ZNF112: variants seen among roughly 807,000 people sequenced by gnomAD.
ZNF112 encodes zinc finger protein 112, also known as zinc finger protein 112 (Y14).
In ZNF112, 37 loss-of-function variants were observed where a neutral mutation model predicts 77.7. The observed-to-expected ratio is 0.48, with a 90% CI of 0.37 to 0.63. The LOEUF (loss-of-function observed/expected upper bound fraction) is 0.63. Ranked by LOEUF, ZNF112 falls within the 20% of genes least tolerant of loss-of-function variation. The probability of loss-of-function intolerance (pLI) is 0.00; values close to 1 mark genes in which losing one functional copy is unlikely to be tolerated. For synonymous variants in ZNF112, 333 were observed against 363.6 expected, an observed-to-expected ratio of 0.92 and a Z score of 0.96; for missense variants, 950 against 1,077.4, an observed-to-expected ratio of 0.88 and a Z score of 1.66.
At chr19:44,352,016 C>T (rs1043378590) in intron 1 of ZNF112, among the ~76,000 whole-genome samples, 9 of 151,806 alleles carry the variant, frequency 5.9e-5, no homozygotes, top group South Asian at 2.1e-4. Flanking sequence ...GATTTGTTCA[C>T]GTGATGTTAT....
At chr19:44,354,038 G>A (rs759111813) in intron 1 of ZNF112, among the ~76,000 whole-genome samples, 1 of 152,142 alleles carries the variant, frequency 6.6e-6, no homozygotes, top group Non-Finnish European at 1.5e-5. Flanking sequence ...GAAGTAAACA[G>A]AAATGAAGTA....
At chr19:44,344,623 G>A (rs117553200) in intron 1 of ZNF112, among the ~76,000 whole-genome samples, 1 of 152,270 alleles carries the variant, frequency 6.6e-6, no homozygotes, top group Non-Finnish European at 1.5e-5. Flanking sequence ...CCTTCTAAAA[G>A]GGATACAGTG....
intron 1 of ZNF112, among the ~76,000 whole-genome samples, chr19:44,354,063 A>G (rs964203183): frequency 7.2e-5 from 11 of 152,190 alleles, no homozygotes; most frequent in African/African-American, 2.4e-4. Flanking sequence ...TACGTATAAC[A>G]ACTTTGATGA....
chr19:44,337,841 ACACACACACAC>A (rs1970413045), intron 2 of ZNF112, among the ~76,000 whole-genome samples: 9 of 135,486 alleles, frequency 6.6e-5, no homozygotes, highest in African/African-American at 1.8e-4. Context: ...ACATACACAT[ACACACACACAC>A]ACACACACAC....
upstream of ZNF112, among the ~76,000 whole-genome samples, chr19:44,361,666 T>A (rs182300049): frequency 2.5e-3 from 385 of 152,340 alleles, 1 homozygote; most frequent in African/African-American, 9.1e-3. Context: ...GCACAGGGTA[T>A]TTTTAAGCAG....
At chr19:44,362,937 T>G (rs1970868048) in intron 1 of ZNF112, among the ~76,000 whole-genome samples, 2 of 152,082 alleles carry the variant, frequency 1.3e-5, no homozygotes, top group Admixed American at 1.3e-4. Flanking sequence ...TGTTAAAAAT[T>G]TTCACTCAAA....
Position 44,336,719 on chromosome 19 carries a change from C to T in ZNF112, c.125-1G>A. 3 of 1,613,668 alleles carry T rather than the reference C, an allele frequency of 1.9e-6. No homozygotes were observed. The highest frequency in any genetic ancestry group is 2.5e-6 in the Non-Finnish European group (3 of 1,179,764). On this transcript the variant is annotated splice_acceptor_variant, in intron 2 of 3. Coordinates refer to ENST00000354340, the MANE Select transcript of ZNF112 (RefSeq NM_013380.4). LOFTEE classifies it high-confidence loss of function. ...AGGTCTGGCTTGAAGGGCTGATGTG[C>T]TGTAAAGAAGGAAAGGACAGCAAAA...
intron 3 of ZNF112, 102 bp from the exon 4 acceptor site, chr19:44,330,038 G>A (rs1970241668): frequency 2.3e-6 from 2 of 868,998 alleles, no homozygotes; most frequent in Non-Finnish European, 1.7e-6. Context: ...GAATGAACCA[G>A]AGGAAAATTC....
At chr19:44,352,699 CA>C (rs1318650380) in intron 1 of ZNF112, among the ~76,000 whole-genome samples, 6 of 151,836 alleles carry the variant, frequency 4.0e-5, no homozygotes, top group African/African-American at 1.5e-4. Flanking sequence ...TATACACTAA[CA>C]ATGTACAACT....
At chr19:44,354,261 T>C (rs532781288) in intron 1 of ZNF112, among the ~76,000 whole-genome samples, 8 of 152,214 alleles carry the variant, frequency 5.3e-5, no homozygotes, top group African/African-American at 1.7e-4. Flanking sequence ...TTTGGGGTGA[T>C]GGAACTGTTC....
Position 44,329,130 on chromosome 19 carries a change from A to C in ZNF112, c.1027T>G (p.Tyr343Asp). 2 of 1,613,940 alleles carry C rather than the reference A, an allele frequency of 1.2e-6. No homozygotes were observed. Among genetic ancestry groups the C allele is most frequent in the East Asian group, 2.2e-5 (1 of 44,862 alleles). Residue 343 changes from tyrosine (Y) to aspartate (D), a missense_variant, in exon 4 of 4, where the codon TAT (tyrosine) becomes GAT (aspartate). Physicochemically the swap from Tyr to Asp is radical, Grantham distance 160. Transcript: ENST00000354340. ...NFNHCSPLNTYELIHTGEMSY... is the reference protein window; with the variant it reads ...NFNHCSPLNTDELIHTGEMSY... ...ATCTCACCTGTGTGGATAAGTTCAT[A>C]AGTGTTAAGAGGGGAACAGTGATTG...
chr19:44,366,276 G>A (rs1397703195), intron 1 of ZNF112, among the ~76,000 whole-genome samples: 2 of 152,138 alleles, frequency 1.3e-5, no homozygotes, highest in Non-Finnish European at 2.9e-5. Context: ...TTTTAAGGTG[G>A]TCTGTACAGA....
exon 1 of ZNF112, chr19:44,367,198 G>C: frequency 2.2e-6 from 1 of 454,162 alleles, no homozygotes; most frequent in Non-Finnish European, 4.4e-6. Context: ...CTTCCTGAAA[G>C]GAATGATGAC....
chr19:44,361,110 T>C, upstream of ZNF112, among the ~76,000 whole-genome samples: 1 of 152,222 alleles, frequency 6.6e-6, no homozygotes, highest in East Asian at 1.9e-4. Flanking sequence ...GCAGTGTGAT[T>C]CCACTTGTAC....
At chr19:44,361,838 A>C (rs533470150) in intron 1 of ZNF112, among the ~76,000 whole-genome samples, 2 of 152,260 alleles carry the variant, frequency 1.3e-5, no homozygotes, top group Non-Finnish European at 1.5e-5. Flanking sequence ...TGCCACACAC[A>C]TGCAAGATGC....
At chr19:44,349,778 G>A (rs1970659243) in intron 1 of ZNF112, among the ~76,000 whole-genome samples, 1 of 152,040 alleles carries the variant, frequency 6.6e-6, no homozygotes, top group African/African-American at 2.4e-5. Context: ...AATGTATCCA[G>A]ATAAAATAAA....
chr19:44,330,108 G>A (rs975317667), intron 3 of ZNF112, among the ~76,000 whole-genome samples, 172 bp from the exon 4 acceptor site: 1 of 152,060 alleles, frequency 6.6e-6, no homozygotes, highest in Non-Finnish European at 1.5e-5. Flanking sequence ...CCAGTTACAG[G>A]TTGAGTATTC....
At chr19:44,364,061 C>T (rs1961895854) in intron 1 of ZNF112, among the ~76,000 whole-genome samples, 1 of 152,158 alleles carries the variant, frequency 6.6e-6, no homozygotes, top group African/African-American at 2.4e-5. Context: ...AGGCACCTGC[C>T]ACCATGCCTG....
rs1970141307 is a variant in ZNF112 at position 44,327,315 on chromosome 19, C to G, written c.*118G>C. On this transcript the variant is annotated 3_prime_UTR_variant, in exon 4 of 4. Transcript: ENST00000354340. ...TCATTAAATGTCTCTGTTGTGTGGT[C>G]TCCTGGCCATTATGAATGTTGAAGT... The G allele has an allele frequency of 1.4e-5, 11 of 802,346 alleles. No individual in the cohort carries two copies. The highest frequency in any genetic ancestry group is 2.1e-5 in the Non-Finnish European group (11 of 517,604). 49.7% of individuals were successfully genotyped at this position (802,346 alleles called of 1,614,324 possible). A position where few individuals can be genotyped will look rare whatever the true frequency, so the allele number is the denominator to read the frequency against.
Sources: allele counts gnomAD v4.1 joint callset (sites outside exome capture counted in the v4.1 genomes callset), GRCh38; gene constraint gnomAD v4.1.1; transcripts MANE v1.5; gene names NCBI Gene and HGNC (gene_info 2026-07-23, HGNC 2026-07-21).